The following PTBP2 variants were observed in gnomAD, a reference collection of about 807,000 sequenced individuals.
The protein encoded by PTBP2 is polypyrimidine tract binding protein 2, also known as polypyrimidine tract-binding protein 2.
In PTBP2, 13 loss-of-function variants were observed where a neutral mutation model predicts 61.4. That is an observed-to-expected ratio of 0.21 (90% CI 0.14 to 0.34). The LOEUF (loss-of-function observed/expected upper bound fraction) is 0.34. Ranked by LOEUF, PTBP2 falls within the 10% of genes least tolerant of loss-of-function variation. The pLI is 1.00. For missense variants in PTBP2, 405 were observed against 642.6 expected (o/e 0.63, Z 4.00); for synonymous variants, 215 against 218.5 (o/e 0.98, Z 0.14).
At chr1:96,742,895 G>A (rs899805689) in intron 2 of PTBP2, among the ~76,000 whole-genome samples, 33 of 152,140 alleles carry the variant, frequency 2.2e-4, no homozygotes, top group South Asian at 6.2e-4. Flanking sequence ...TCTTAATGTC[G>A]TCTAATCTCC....
chr1:96,807,111 G>A (rs1189885703), intron 11 of PTBP2, among the ~76,000 whole-genome samples, 153 bp downstream of exon 11: 1 of 152,168 alleles, frequency 6.6e-6, no homozygotes, highest in Non-Finnish European at 1.5e-5. Flanking sequence ...ATAGTTGTAT[G>A]TGACGAACAT....
At chr1:96,757,500 T>C (rs1655290417) in intron 3 of PTBP2, among the ~76,000 whole-genome samples, 1 of 152,114 alleles carries the variant, frequency 6.6e-6, no homozygotes, top group Non-Finnish European at 1.5e-5. Context: ...CATAGCCTGG[T>C]TTTTTAAAAC....
chr1:96,757,350 A>T (rs76442136), intron 3 of PTBP2, among the ~76,000 whole-genome samples: 17 of 152,332 alleles, frequency 1.1e-4, no homozygotes, highest in African/African-American at 2.9e-4. Flanking sequence ...AAATATTACC[A>T]GATATAAAAA....
chr1:96,765,830 C>T (rs1656643390), intron 3 of PTBP2, among the ~76,000 whole-genome samples: 1 of 152,032 alleles, frequency 6.6e-6, no homozygotes, highest in African/African-American at 2.4e-5. Context: ...GCATGGGAAA[C>T]TAACAATTTT....
At chr1:96,742,661 G>A (rs1368046256) in intron 2 of PTBP2, among the ~76,000 whole-genome samples, 1 of 136,280 alleles carries the variant, frequency 7.3e-6, no homozygotes. Context: ...GATAGCTTTG[G>A]CTTTTTTTTT....
intron 8 of PTBP2, among the ~76,000 whole-genome samples, chr1:96,800,012 C>G (rs1176738051): frequency 6.6e-6 from 1 of 152,142 alleles, no homozygotes; most frequent in Non-Finnish European, 1.5e-5. Context: ...AGTAGTTTTT[C>G]TAAGTTATCA....
chr1:96,758,967 A>G (rs1655477848), intron 3 of PTBP2, among the ~76,000 whole-genome samples: 1 of 152,190 alleles, frequency 6.6e-6, no homozygotes. Context: ...ATAGGATACA[A>G]GTTCTATGTA....
In PTBP2 at chr1:96,806,920, C is replaced by T; in HGVS notation, c.1133C>T (p.Ala378Val). ...VKILYNKKDS[A>V]LIQMADGNQS... ...ATTTTATACAATAAGAAAGACAGCGCTCTAATACAGATGGCTGATGGAAAC... is the reference window on the plus strand; with the variant it reads ...ATTTTATACAATAAGAAAGACAGCGTTCTAATACAGATGGCTGATGGAAAC... The change falls in exon 11 of 14, where the codon GCT becomes GTT. Residue 378 changes from alanine (A) to valine (V), a missense_variant. Ala to Val is a moderately conservative substitution (Grantham distance 64, BLOSUM62 0). This residue lies in a region of PTBP2 where 342 missense variants were observed against 491.2 expected (regional missense o/e 0.70). Coordinates refer to ENST00000674951, the MANE Select transcript of PTBP2 (RefSeq NM_021190.4). 6.2e-7 allele frequency: 1 copy of T among 1,611,438 alleles called. No homozygotes were observed. Among genetic ancestry groups the T allele is most frequent in the Non-Finnish European group, 8.5e-7 (1 of 1,179,154 alleles).
Position 96,754,559 on chromosome 1 carries a change from A to T in PTBP2, c.115+3059A>T, listed in dbSNP as rs78897831. ...TAAAAAGATAAAAAGAAGTATAACG[A>T]AAAGCCAATAGAGGAAAAATTGGAG... On this transcript the variant is annotated intron_variant, in intron 3 of 13. Transcript: ENST00000674951. Among the ~76,000 whole-genome samples the T allele has an allele frequency of 6.2e-4, 94 of 152,310 alleles. 1 individual carries two copies. In the East Asian group the frequency reaches 0.018, roughly 29 times the overall value.
At chr1:96,775,801 C>A (rs1657967879) in intron 5 of PTBP2, among the ~76,000 whole-genome samples, 1 of 151,636 alleles carries the variant, frequency 6.6e-6, no homozygotes, top group Non-Finnish European at 1.5e-5. Context: ...AAAATGAAAT[C>A]ATAAAGAAAT....
chr1:96,810,307 T>G (rs1046514064), intron 11 of PTBP2, among the ~76,000 whole-genome samples: 3 of 152,218 alleles, frequency 2.0e-5, no homozygotes, highest in Non-Finnish European at 2.9e-5. Flanking sequence ...GTTTAAAATT[T>G]TATTCATTTA....
chr1:96,752,535 A>G (rs545667434), intron 3 of PTBP2, among the ~76,000 whole-genome samples: 2 of 152,264 alleles, frequency 1.3e-5, no homozygotes, highest in South Asian at 2.1e-4. Flanking sequence ...ACAGGTCATT[A>G]TCATTGATTT....
intron 2 of PTBP2, among the ~76,000 whole-genome samples, chr1:96,749,292 A>G (rs1212576365): frequency 2.0e-5 from 3 of 152,180 alleles, no homozygotes; most frequent in Non-Finnish European, 2.9e-5. Context: ...TACAGTGTGT[A>G]TACTCTAGGT....
At chr1:96,800,244 C>A (rs552330872) in intron 8 of PTBP2, among the ~76,000 whole-genome samples, 41 of 152,102 alleles carry the variant, frequency 2.7e-4, no homozygotes, top group African/African-American at 9.9e-4. Flanking sequence ...GGACCTCACA[C>A]CTTGTATTCC....
rs1488138809 is a variant in PTBP2, at chr1:96,740,877, T to C, written c.40-10548T>C. Among the ~76,000 whole-genome samples the C allele has an allele frequency of 2.6e-5, 4 of 152,042 alleles. No individual in the cohort carries two copies. In the East Asian group the frequency reaches 7.7e-4, roughly 29 times the overall value. On this transcript the variant is annotated intron_variant, in intron 2 of 13. Transcript: ENST00000674951. ...GTTAATATTTGACGAGATTGATTTGTCAAATATTTTAAATTTTTTTCCATT... is the reference window on the plus strand; with the variant it reads ...GTTAATATTTGACGAGATTGATTTGCCAAATATTTTAAATTTTTTTCCATT...
chr1:96,776,489 T>A (rs1173284078), intron 5 of PTBP2, among the ~76,000 whole-genome samples: 2 of 151,988 alleles, frequency 1.3e-5, no homozygotes, highest in Admixed American at 6.6e-5. Flanking sequence ...TCAAGCCGTG[T>A]GATCTGTGGT....
intron 2 of PTBP2, among the ~76,000 whole-genome samples, chr1:96,739,622 T>G (rs1412007996): frequency 7.3e-6 from 1 of 137,236 alleles, no homozygotes; most frequent in Non-Finnish European, 1.6e-5. Flanking sequence ...GTGTGTGTTT[T>G]TTTTTTTTTT....
chr1:96,752,635 G>C (rs181036530), intron 3 of PTBP2, among the ~76,000 whole-genome samples: 2 of 152,228 alleles, frequency 1.3e-5, no homozygotes, highest in African/African-American at 4.8e-5. Flanking sequence ...ATAGGCAGAA[G>C]TGTGTAACTC....
Position 96,777,608 on chromosome 1 carries a change from T to C in PTBP2, c.456T>C (p.Ala152=). 2 of 1,610,272 alleles carry C rather than the reference T, an allele frequency of 1.2e-6. No individual in the cohort carries two copies. Among genetic ancestry groups the C allele is most frequent in the Non-Finnish European group, 1.7e-6 (2 of 1,178,576 alleles). The change falls in exon 6 of 14, where the codon GCT becomes GCC. Residue 152 remains alanine, a synonymous_variant. Coordinates refer to ENST00000674951, the MANE Select transcript of PTBP2 (RefSeq NM_021190.4). ...AGCGTGCTCAGGCAGTTCTTCAAGC[T>C]GTGACAGCTGTCCAGACAGCAAATA... ...LNQRAQAVLQ[A]VTAVQTANTP...
Sources: gnomAD v4.1 joint callset for allele counts (sites outside exome capture counted in the v4.1 genomes callset) on GRCh38, gnomAD v4.1.1 for gene constraint, gnomAD v4.1.1 regional missense constraint, MANE v1.5 for transcripts, NCBI Gene and HGNC (gene_info 2026-07-23, HGNC 2026-07-21) for gene names.